The following LMF1 variants were observed in gnomAD, a reference collection of about 807,000 sequenced individuals.
LMF1 encodes the protein lipase maturation factor 1.
Under a neutral mutation model 60.6 loss-of-function variants are expected in LMF1, and 68 were observed. The observed-to-expected ratio is 1.12, with a 90% CI of 0.92 to 1.37. The LOEUF is 1.37. Ranked by LOEUF, LMF1 falls within the 40% of genes most tolerant of loss-of-function variation. The pLI is 0.00. For synonymous variants in LMF1, 418 were observed against 324.7 expected (o/e 1.29, Z -3.09); for missense variants, 948 against 767.2 (o/e 1.24, Z -2.78).
At chr16:893,978 C>T (rs2070575600) in intron 4 of LMF1, among the ~76,000 whole-genome samples, 1 of 152,082 alleles carries the variant, frequency 6.6e-6, no homozygotes, top group African/African-American at 2.4e-5. Context: ...CCCTGGGCTC[C>T]ATCCACCTGT....
chr16:917,346 TGGGCGCAGGCCCACG>T (rs2071309726), intron 3 of LMF1, among the ~76,000 whole-genome samples: 2 of 56,288 alleles, frequency 3.6e-5, no homozygotes, highest in Non-Finnish European at 6.3e-5. Context: ...GCACTGCGGG[TGGGCGCAGGCCCACG>T]TGAAGAAATG....
In LMF1 at chr16:854,694, T is replaced by C. The variant is rs372151515; in HGVS notation, c.1542A>G (p.Gly514=). ...AGRPPPRWVR[G]EHYRYKFSRP... Reference sequence around the variant, plus strand: ...GGCTGAACTTGTACCTGTAGTGCTCTCCTCGGACCCACCTGCAAGGGGGCA... The same window carrying C: ...GGCTGAACTTGTACCTGTAGTGCTCCCCTCGGACCCACCTGCAAGGGGGCA... Residue 514 remains glycine, a synonymous_variant, in exon 11 of 11, where the codon GGA becomes GGG. Coordinates refer to ENST00000262301, the MANE Select transcript of LMF1 (RefSeq NM_022773.4). 3.7e-5 allele frequency: 59 copies of C among 1,593,512 alleles called. 1 individual carries two copies. In the African/African-American group the frequency reaches 7.4e-4, roughly 20 times the overall value.
chr16:938,081 G>A (rs1391123014), intron 2 of LMF1, among the ~76,000 whole-genome samples: 1 of 151,852 alleles, frequency 6.6e-6, no homozygotes, highest in Non-Finnish European at 1.5e-5. Context: ...TTGGGTGAGA[G>A]CAGCTGGGGG....
At chr16:887,796 G>T (rs753937274) in intron 5 of LMF1, among the ~76,000 whole-genome samples, 19 of 152,142 alleles carry the variant, frequency 1.2e-4, no homozygotes, top group Non-Finnish European at 2.4e-4. Context: ...GTGACCTCAG[G>T]CAGGGGCAGT....
intron 8 of LMF1, 104 bp downstream of exon 8, chr16:870,625 T>G: frequency 7.4e-7 from 1 of 1,354,566 alleles, no homozygotes; most frequent in South Asian, 1.2e-5. Context: ...AGGGGACACT[T>G]GGGGTCATGG....
chr16:892,681 T>G (rs2070524696), intron 5 of LMF1, among the ~76,000 whole-genome samples: 1 of 152,112 alleles, frequency 6.6e-6, no homozygotes, highest in Non-Finnish European at 1.5e-5. Flanking sequence ...CAGGGGACGG[T>G]GGGGAGCTGT....
chr16:979,772 G>A (rs955108927), intron 1 of LMF1: 2 of 454,108 alleles, frequency 4.4e-6, no homozygotes, highest in Non-Finnish European at 8.8e-6. Flanking sequence ...CTCTCCCAGG[G>A]GCAGGGGGTG....
intron 3 of LMF1, among the ~76,000 whole-genome samples, chr16:919,913 GCCCC>G (rs1567239828): frequency 6.6e-6 from 1 of 152,108 alleles, no homozygotes. Flanking sequence ...TCAGGCTCCT[GCCCC>G]CGGCACCATC....
At chr16:920,783 A>T (rs920166485) in intron 3 of LMF1, among the ~76,000 whole-genome samples, 3 of 152,252 alleles carry the variant, frequency 2.0e-5, no homozygotes, top group African/African-American at 7.2e-5. Flanking sequence ...TCAGAGAAAC[A>T]TAACACGTTA....
intron 2 of LMF1, chr16:947,358 G>C (rs1387182645): frequency 2.5e-6 from 1 of 403,788 alleles, no homozygotes; most frequent in Non-Finnish European, 5.0e-6. Flanking sequence ...GCAGAGGCAG[G>C]TGGTGGAAAA....
At chr16:855,060 T>C in intron 10 of LMF1, 2 of 367,870 alleles carry the variant, frequency 5.4e-6, no homozygotes, top group Non-Finnish European at 5.2e-6. Flanking sequence ...GGCCCCAGTT[T>C]GAGCCCCAAG....
intron 10 of LMF1, among the ~76,000 whole-genome samples, chr16:863,734 C>G (rs536587470): frequency 1.3e-5 from 2 of 152,172 alleles, no homozygotes; most frequent in Non-Finnish European, 2.9e-5. Flanking sequence ...CCTGGGTTCA[C>G]ACAGTCCTCC....
At chr16:907,032 A>G (rs2070989105) in intron 4 of LMF1, among the ~76,000 whole-genome samples, 1 of 152,172 alleles carries the variant, frequency 6.6e-6, no homozygotes, top group African/African-American at 2.4e-5. Flanking sequence ...AAAATTTCCT[A>G]TTTTATGGTT....
Position 870,003 on chromosome 16 carries a change from G to T in LMF1, c.1296C>A (p.Pro432=). ...ACTCGTAGTCCTCCCACATGGCATC[G>T]GGGGCGCTGGCGTTGGAGCTGGCTG... ...QGTASSNASA[P]DAMWEDYEFK... The change falls in exon 9 of 11, where the codon CCC becomes CCA. Residue 432 remains proline (P), a synonymous_variant. Transcript: ENST00000262301. 2 of 1,612,980 alleles carry T rather than the reference G, an allele frequency of 1.2e-6. No individual in the cohort carries two copies. Among genetic ancestry groups the T allele is most frequent in the Non-Finnish European group, 8.5e-7 (1 of 1,179,842 alleles).
chr16:870,946 G>C, intron 7 of LMF1, 64 bp from the exon 8 acceptor site: 1 of 1,518,702 alleles, frequency 6.6e-7, no homozygotes. Context: ...TCCCTGGGGA[G>C]ACCCCAGCTG....
chr16:871,005 C>T (rs2069771648), intron 7 of LMF1, 123 bp from the exon 8 acceptor site: 1 of 1,415,012 alleles, frequency 7.1e-7, no homozygotes, highest in South Asian at 1.4e-5. Flanking sequence ...GGAGCAGCAC[C>T]CGAACTCACA....
At chr16:979,374 CCCCCACCACCCCGCCACAGAGACT>C in intron 1 of LMF1, 1 of 353,778 alleles carries the variant, frequency 2.8e-6, no homozygotes, top group Non-Finnish European at 5.6e-6. Context: ...CTGGCCTAGG[CCCCCACCACCCCGCCACAGAGACT>C]CCCCACCTCC....
intron 3 of LMF1, among the ~76,000 whole-genome samples, chr16:922,414 C>T (rs1236515409): frequency 6.6e-6 from 1 of 152,228 alleles, no homozygotes; most frequent in Non-Finnish European, 1.5e-5. Flanking sequence ...ACTGATCCAG[C>T]AGGACCTGAA....
chr16:875,364 T>C lies in LMF1; in HGVS notation c.898-4023A>G, dbSNP rs147027684. On this transcript the variant is annotated intron_variant, in intron 6 of 10. Coordinates refer to ENST00000262301, the MANE Select transcript of LMF1 (RefSeq NM_022773.4). Reference sequence around the variant, plus strand: ...GTCTGCCTGCACCAGGGCCCGTTGGTCCAATTCTCATCTAACCCCCTGGCC... The same window carrying C: ...GTCTGCCTGCACCAGGGCCCGTTGGCCCAATTCTCATCTAACCCCCTGGCC... Among the ~76,000 whole-genome samples the C allele has an allele frequency of 7.3e-3, 1,114 of 152,136 alleles. 8 individuals carry two copies. The highest frequency in any genetic ancestry group is 0.025 in the African/African-American group (1,056 of 41,478).
Sources: gnomAD v4.1 joint callset for allele counts (sites outside exome capture counted in the v4.1 genomes callset) on GRCh38, gnomAD v4.1.1 for gene constraint, MANE v1.5 for transcripts, NCBI Gene and HGNC (gene_info 2026-07-23, HGNC 2026-07-21) for gene names.